Variants in SH3TC2 observed in about 807,000 individuals in gnomAD.
SH3TC2 encodes the protein SH3 domain and tetratricopeptide repeat-containing protein 2.
In SH3TC2, 87 loss-of-function variants were observed where a neutral mutation model predicts 124.5. That is an observed-to-expected ratio of 0.70 (90% CI 0.59 to 0.84). The LOEUF is 0.84. Ranked by LOEUF, SH3TC2 falls within the 40% of genes least tolerant of loss-of-function variation. The pLI, the probability that SH3TC2 is intolerant of heterozygous loss-of-function variation, is 0.00. For synonymous variants in SH3TC2, 634 were observed against 628.5 expected (o/e 1.01, Z -0.13); for missense variants, 1,536 against 1,566.4 (o/e 0.98, Z 0.33).
At chr5:149,009,529 C>A (rs1342753416) in intron 14 of SH3TC2, among the ~76,000 whole-genome samples, 1 of 152,176 alleles carries the variant, frequency 6.6e-6, no homozygotes. Context: ...CTTCCCCACC[C>A]CTAGCTCAGT....
intron 12 of SH3TC2, among the ~76,000 whole-genome samples, chr5:149,024,458 T>C (rs955213202): frequency 6.6e-6 from 1 of 152,224 alleles, no homozygotes; most frequent in Non-Finnish European, 1.5e-5. Flanking sequence ...TTTAAGAATC[T>C]GCACCAAAAA....
chr5:149,041,698 A>T, intron 5 of SH3TC2, 81 bp from the exon 6 acceptor site: 2 of 1,473,356 alleles, frequency 1.4e-6, no homozygotes, highest in Non-Finnish European at 1.9e-6. Flanking sequence ...TAATGCTTCT[A>T]TTCAGAGCTG....
intron 12 of SH3TC2, among the ~76,000 whole-genome samples, chr5:149,015,832 C>A (rs1753863076): frequency 6.6e-6 from 1 of 152,120 alleles, no homozygotes. Context: ...ACAAAGATGG[C>A]CAAAAACTGA....
rs201323132 is a variant in SH3TC2, at chr5:148,994,697, AGGATGGATGGAT to A, written c.*10002_*10013del. ...TTGGATAAATGAATGGATGGATGGA[AGGATGGATGGAT>A]GGATGGATGGATGGATGGATGGATG... On this transcript the variant is annotated 3_prime_UTR_variant, in exon 17 of 17. Coordinates refer to ENST00000515425, the MANE Select transcript of SH3TC2 (RefSeq NM_024577.4). 3.6e-4 allele frequency among the ~76,000 whole-genome samples: 52 copies of A among 144,840 alleles called. No individual in the cohort carries two copies. In the South Asian group the frequency reaches 6.0e-3, roughly 17 times the overall value.
At chr5:149,009,801 T>G (rs1331675522) in intron 14 of SH3TC2, among the ~76,000 whole-genome samples, 1 of 152,212 alleles carries the variant, frequency 6.6e-6, no homozygotes. Context: ...AGTCATAGGT[T>G]TGATGAGCTT....
chr5:149,005,024 A>G (rs1349488319), intron 16 of SH3TC2, 122 bp from the exon 17 acceptor site: 2 of 1,158,390 alleles, frequency 1.7e-6, no homozygotes, highest in Non-Finnish European at 2.5e-6. Context: ...TTGTTTGCCC[A>G]ACATCCAATC....
In SH3TC2 at chr5:148,997,211, G is replaced by A. The variant is rs539139953; in HGVS notation, c.*7500C>T. Among the ~76,000 whole-genome samples, 9 of 152,236 alleles carry A rather than the reference G, an allele frequency of 5.9e-5. No homozygotes were observed. Among genetic ancestry groups the A allele is most frequent in the African/African-American group, 2.2e-4 (9 of 41,548 alleles). Reference sequence around the variant, plus strand: ...GGGTACTATGATGGGTGAGACCCACGAAACTCCACCTGGCTGCTTCCCTTC... The same window carrying A: ...GGGTACTATGATGGGTGAGACCCACAAAACTCCACCTGGCTGCTTCCCTTC... On this transcript the variant is annotated 3_prime_UTR_variant, in exon 17 of 17. Coordinates refer to ENST00000515425, the MANE Select transcript of SH3TC2 (RefSeq NM_024577.4).
chr5:149,031,673 G>A lies in SH3TC2; in HGVS notation c.1016C>T (p.Ala339Val), dbSNP rs1386286283. The part of the protein sequence containing the change: ...DSYSPMSRNS[A>V]FLSDEERCSL... ...GCATCTCTCCTCATCACTGAGAAAG[G>A]CAGAGTTCCTGCTCCTGCATCGGGG... Residue 339 changes from alanine to valine, a missense_variant, in exon 9 of 17, where the codon GCC becomes GTC. Physicochemically the swap from Ala to Val is moderately conservative, Grantham distance 64. Around this residue, in one of 3 missense-constraint regions of SH3TC2, gnomAD observed 1,102 missense variants for 1,098.6 expected, o/e 1.00. Transcript: ENST00000515425. 13 of 1,613,954 alleles carry A rather than the reference G, an allele frequency of 8.1e-6. No homozygotes were observed. The highest frequency in any genetic ancestry group is 1.7e-5 in the Admixed American group (1 of 59,994).
At chr5:149,015,689 T>C (rs751149726) in intron 12 of SH3TC2, among the ~76,000 whole-genome samples, 1 of 152,198 alleles carries the variant, frequency 6.6e-6, no homozygotes, top group Non-Finnish European at 1.5e-5. Context: ...GTGACCCCAA[T>C]ACACCTGCAT....
rs1199097534 is a variant in SH3TC2 at position 148,990,129 on chromosome 5, A to T, written c.*14582T>A. 2.6e-5 allele frequency among the ~76,000 whole-genome samples: 4 copies of T among 152,078 alleles called. No homozygotes were observed. Among genetic ancestry groups the T allele is most frequent in the Admixed American group, 2.6e-4 (4 of 15,258 alleles). ...CTGAGATAGCCCCAAAGTAGGTTTC[A>T]TGATGGTATGCTCTGGGTGCGCTAG... is the stretch of plus-strand genomic sequence containing the variant. On this transcript the variant is annotated 3_prime_UTR_variant, in exon 17 of 17. Transcript: ENST00000515425.
In SH3TC2 at chr5:149,001,033, C is replaced by A. The variant is rs941745905; in HGVS notation, c.*3678G>T. Among the ~76,000 whole-genome samples the A allele has an allele frequency of 3.3e-5, 5 of 152,010 alleles. No individual in the cohort carries two copies. The highest frequency in any genetic ancestry group is 1.2e-4 in the African/African-American group (5 of 41,382). On this transcript the variant is annotated 3_prime_UTR_variant, in exon 17 of 17. Transcript: ENST00000515425. ...TGCAATTTAATATCAAAATCAAGACCAAAATACAGGTTCCCTTTAGTGATA... is the reference window on the plus strand; with the variant it reads ...TGCAATTTAATATCAAAATCAAGACAAAAATACAGGTTCCCTTTAGTGATA...
At chr5:149,011,464 G>A (rs909623735) in intron 13 of SH3TC2, among the ~76,000 whole-genome samples, 2 of 152,346 alleles carry the variant, frequency 1.3e-5, no homozygotes, top group African/African-American at 2.4e-5. Context: ...GGCAGATGGC[G>A]TAGAGGCTGA....
rs1753487427 is a variant in SH3TC2, at chr5:148,995,102, C to T, written c.*9609G>A. On this transcript the variant is annotated 3_prime_UTR_variant, in exon 17 of 17. Coordinates refer to ENST00000515425, the MANE Select transcript of SH3TC2 (RefSeq NM_024577.4). ...AGGCTTATATAAGCCAAGGTCCCTG[C>T]TCCCTAGATTTTCTATCATCCCTCC... Among the ~76,000 whole-genome samples, 1 of 152,124 alleles carries T rather than the reference C, an allele frequency of 6.6e-6. No individual in the cohort carries two copies. The highest frequency in any genetic ancestry group is 1.5e-5 in the Non-Finnish European group (1 of 68,002).
At position 149,028,478 on chromosome 5, in the gene SH3TC2, C is replaced by A. The variant is rs146997517; in HGVS notation, c.1254G>T (p.Gln418His). 20 of 1,611,834 alleles carry A rather than the reference C, an allele frequency of 1.2e-5. No homozygotes were observed. The highest frequency in any genetic ancestry group is 1.7e-5 in the Non-Finnish European group (20 of 1,178,460). Residue 418 changes from glutamine (Q) to histidine (H), a missense_variant, in exon 11 of 17, where the codon CAG becomes CAT. By Grantham distance (24) the Gln-to-His change is conservative (BLOSUM62 0). This residue lies in a region of SH3TC2 where 1,102 missense variants were observed against 1,098.6 expected (regional missense o/e 1.00). Coordinates refer to ENST00000515425, the MANE Select transcript of SH3TC2 (RefSeq NM_024577.4). ...WEEHQAVGSR[Q>H]SSSSEDSSLE... ...GGCTGGAGTCCTCAGAGCTGCTGGA[C>A]TGTCTGGACCCCACGGCCTGATGCT... is the stretch of plus-strand genomic sequence containing the variant.
rs143516557 is a variant in SH3TC2 at position 148,998,764 on chromosome 5, G to C, written c.*5947C>G. Among the ~76,000 whole-genome samples, 436 of 152,288 alleles carry C rather than the reference G, an allele frequency of 2.9e-3. 2 individuals are homozygous for C. The highest frequency in any genetic ancestry group is 0.01 in the African/African-American group (417 of 41,558). On this transcript the variant is annotated 3_prime_UTR_variant, in exon 17 of 17. Coordinates refer to ENST00000515425, the MANE Select transcript of SH3TC2 (RefSeq NM_024577.4). ...TGGGGAGAAGACACCCCTTAGAGGA[G>C]GGTGAACGAAGTGCACATTCCCAGA...
At position 149,063,031 on chromosome 5, in the gene SH3TC2, C is replaced by T. The variant is rs1427369811; in HGVS notation, c.-9G>A. ...CAGAAGCAGCCACCCATGTGTGTAC[C>T]ATCCTACCCTGGCCGAGGCCCTTGG... On this transcript the variant is annotated 5_prime_UTR_variant, in exon 1 of 17. The change abolishes an upstream ATG in the 5' untranslated region. Transcript: ENST00000515425. 6.3e-7 allele frequency: 1 copy of T among 1,598,188 alleles called. No individual in the cohort carries two copies. The highest frequency in any genetic ancestry group is 1.3e-5 in the African/African-American group (1 of 74,766).
chr5:149,058,198 T>C (rs964842258), intron 1 of SH3TC2, among the ~76,000 whole-genome samples: 5 of 152,256 alleles, frequency 3.3e-5, no homozygotes, highest in Non-Finnish European at 7.3e-5. Context: ...TTTATTTTTA[T>C]TATTATTGAT....
intron 16 of SH3TC2, among the ~76,000 whole-genome samples, 182 bp from the exon 17 acceptor site, chr5:149,005,084 T>C (rs1398173034): frequency 1.3e-5 from 2 of 152,178 alleles, no homozygotes; most frequent in African/African-American, 4.8e-5. Flanking sequence ...ACTGTGGTCC[T>C]TGGGACATTG....
intron 12 of SH3TC2, among the ~76,000 whole-genome samples, chr5:149,016,170 T>C (rs1486262766): frequency 6.6e-6 from 1 of 152,168 alleles, no homozygotes; most frequent in African/African-American, 2.4e-5. Flanking sequence ...AAGAGATCAG[T>C]ACTATTATCA....
Sources: allele counts gnomAD v4.1 joint callset (sites outside exome capture counted in the v4.1 genomes callset), GRCh38; gene constraint gnomAD v4.1.1; regional missense constraint gnomAD v4.1.1; transcripts MANE v1.5; gene names NCBI Gene and HGNC (gene_info 2026-07-23, HGNC 2026-07-21).